CSMD3: variants seen among roughly 807,000 people sequenced by gnomAD.
CSMD3 encodes CUB and sushi domain-containing protein 3.
In CSMD3, 177 loss-of-function variants were observed where a neutral mutation model predicts 435.2. The observed-to-expected ratio is 0.41, with a 90% CI of 0.36 to 0.46. CSMD3 has a LOEUF of 0.46. Ranked by LOEUF, CSMD3 falls within the 20% of genes least tolerant of loss-of-function variation. The pLI, the probability that CSMD3 is intolerant of heterozygous loss-of-function variation, is 0.34. For missense variants in CSMD3, 4,265 were observed against 4,504.6 expected, an observed-to-expected ratio of 0.95 and a Z score of 1.52; for synonymous variants, 1,656 against 1,520.5, an observed-to-expected ratio of 1.09 and a Z score of -2.07.
At chr8:112,314,078 A>C in intron 48 of CSMD3, 26 bp from the exon 49 acceptor site, 1 of 1,537,902 alleles carries the variant, frequency 6.5e-7, no homozygotes, top group Non-Finnish European at 9.0e-7. Context: ...AAAACAATTT[A>C]GATAAAGCTA....
intron 1 of CSMD3, among the ~76,000 whole-genome samples, chr8:113,399,008 A>G (rs2133192589): frequency 6.7e-6 from 1 of 149,690 alleles, no homozygotes; most frequent in Admixed American, 6.7e-5. Flanking sequence ...TTGCAGGAAA[A>G]AAAGGAGGAA....
intron 31 of CSMD3, among the ~76,000 whole-genome samples, chr8:112,478,710 C>T (rs1224790579): frequency 1.3e-5 from 2 of 152,134 alleles, no homozygotes; most frequent in Non-Finnish European, 2.9e-5. Context: ...TGGTGAAACC[C>T]CACCTTCAAG....
chr8:113,389,510 AT>A (rs2094452954), intron 1 of CSMD3, among the ~76,000 whole-genome samples: 1 of 151,740 alleles, frequency 6.6e-6, no homozygotes, highest in Admixed American at 6.6e-5. Context: ...TGACCTAAGC[AT>A]TTCTATGCAT....
intron 13 of CSMD3, among the ~76,000 whole-genome samples, chr8:112,778,226 C>T (rs1563951217): frequency 6.6e-6 from 1 of 151,730 alleles, no homozygotes. Context: ...TCATTATCAC[C>T]CAAAGTCCGT....
intron 26 of CSMD3, 55 bp downstream of exon 26, chr8:112,552,539 G>C (rs191438113): frequency 6.5e-7 from 1 of 1,542,556 alleles, no homozygotes; most frequent in Non-Finnish European, 8.9e-7. Flanking sequence ...TTATATAGGG[G>C]TTGGTTAGGC....
At chr8:113,114,522 T>A (rs2090764612) in intron 4 of CSMD3, among the ~76,000 whole-genome samples, 2 of 152,106 alleles carry the variant, frequency 1.3e-5, no homozygotes, top group Admixed American at 6.6e-5. Context: ...GCTGAAGGGA[T>A]CCCAGGTGCA....
intron 63 of CSMD3, among the ~76,000 whole-genome samples, chr8:112,251,117 T>A (rs540740741): frequency 2.8e-4 from 42 of 151,976 alleles, no homozygotes; most frequent in African/African-American, 9.9e-4. Context: ...TGACTTCTAA[T>A]ATCACATGTT....
At chr8:112,517,536 T>C (rs1451181239) in intron 27 of CSMD3, among the ~76,000 whole-genome samples, 1 of 151,996 alleles carries the variant, frequency 6.6e-6, no homozygotes, top group African/African-American at 2.4e-5. Context: ...AGAGGACTTG[T>C]AGCTAGAATA....
chr8:113,166,890 C>T (rs966813596), intron 4 of CSMD3, among the ~76,000 whole-genome samples: 2 of 152,014 alleles, frequency 1.3e-5, no homozygotes, highest in East Asian at 1.9e-4. Context: ...ATAAAAATAA[C>T]GTAGTTATTA....
intron 4 of CSMD3, among the ~76,000 whole-genome samples, chr8:113,144,184 T>C (rs1454364984): frequency 1.3e-5 from 2 of 151,300 alleles, no homozygotes; most frequent in Admixed American, 6.6e-5. Context: ...CATTTTTGTA[T>C]ATTATGAGAT....
At chr8:112,992,012 G>T (rs995096466) in intron 6 of CSMD3, among the ~76,000 whole-genome samples, 3 of 151,786 alleles carry the variant, frequency 2.0e-5, no homozygotes, top group African/African-American at 7.2e-5. Context: ...AGTAAATTTT[G>T]ATTAAGCATT....
chr8:112,820,716 G>T (rs1028227965), intron 12 of CSMD3, among the ~76,000 whole-genome samples: 1 of 150,778 alleles, frequency 6.6e-6, no homozygotes, highest in African/African-American at 2.4e-5. Flanking sequence ...AGGTATACAC[G>T]TGCCATGGTG....
intron 5 of CSMD3, among the ~76,000 whole-genome samples, chr8:113,052,340 A>G (rs995447790): frequency 6.6e-6 from 1 of 152,210 alleles, no homozygotes; most frequent in Non-Finnish European, 1.5e-5. Context: ...AACCTTAAAA[A>G]CTTACATCTT....
At chr8:112,504,053 T>C in intron 29 of CSMD3, 76 bp from the exon 30 acceptor site, 1 of 909,562 alleles carries the variant, frequency 1.1e-6, no homozygotes, top group Non-Finnish European at 1.7e-6. Flanking sequence ...ACCATAATAG[T>C]TATATAATCA....
At chr8:112,324,954 C>A (rs1823354589) in intron 45 of CSMD3, among the ~76,000 whole-genome samples, 1 of 152,064 alleles carries the variant, frequency 6.6e-6, no homozygotes, top group South Asian at 2.1e-4. Flanking sequence ...ATGACTTACG[C>A]ATTAAATTAA....
chr8:112,350,533 T>G (rs1826042092), intron 40 of CSMD3, among the ~76,000 whole-genome samples: 1 of 152,094 alleles, frequency 6.6e-6, no homozygotes, highest in Non-Finnish European at 1.5e-5. Context: ...AGTAATTGAA[T>G]GTTTTAAAGG....
intron 4 of CSMD3, among the ~76,000 whole-genome samples, chr8:113,104,570 G>T (rs986588340): frequency 1.7e-4 from 26 of 151,996 alleles, no homozygotes; most frequent in African/African-American, 5.8e-4. Context: ...GAGCAACTGG[G>T]TAAATAACTG....
In CSMD3 at chr8:113,030,417, T is replaced by TAAAA. The variant is rs35890606; in HGVS notation, c.918-11242_918-11239dup. Among the ~76,000 whole-genome samples the TAAAA allele has an allele frequency of 2.4e-3, 58 of 24,272 alleles. 2 individuals are homozygous for TAAAA. Among genetic ancestry groups the TAAAA allele is most frequent in the African/African-American group, 0.011 (50 of 4,498 alleles). 15.9% of individuals were successfully genotyped at this position (24,272 alleles called of 152,430 possible). ...AGTCACCAAAACACTTTGGTACTGGTAAAAAAAAAAAAAAAAAAAAAAAAA... is the reference window on the plus strand; with the variant it reads ...AGTCACCAAAACACTTTGGTACTGGTAAAAAAAAAAAAAAAAAAAAAAAAAAAAA... On this transcript the variant is annotated intron_variant, in intron 5 of 70. Transcript: ENST00000297405.
intron 40 of CSMD3, among the ~76,000 whole-genome samples, chr8:112,348,397 G>T (rs990358812): frequency 6.6e-6 from 1 of 151,952 alleles, no homozygotes; most frequent in Non-Finnish European, 1.5e-5. Flanking sequence ...AAAATATCTG[G>T]CAGATTGCTT....
Sources: allele counts gnomAD v4.1 joint callset (sites outside exome capture counted in the v4.1 genomes callset), GRCh38; gene constraint gnomAD v4.1.1; transcripts MANE v1.5; gene names NCBI Gene and HGNC (gene_info 2026-07-23, HGNC 2026-07-21).